Variants in TENM3 observed in about 807,000 individuals in gnomAD.
TENM3 encodes the protein teneurin-3.
Under a neutral mutation model 255.1 loss-of-function variants are expected in TENM3, and 63 were observed. The observed-to-expected ratio is 0.25, with a 90% CI of 0.20 to 0.30. The LOEUF (loss-of-function observed/expected upper bound fraction) is 0.30. Ranked by LOEUF, TENM3 falls within the 10% of genes least tolerant of loss-of-function variation. TENM3 has a pLI of 1.00. For missense variants in TENM3, 2,929 were observed against 3,461.1 expected, an observed-to-expected ratio of 0.85 and a Z score of 3.86; for synonymous variants, 1,306 against 1,322.3, an observed-to-expected ratio of 0.99 and a Z score of 0.27.
chr4:181,470,102 C>T, the TENM3 span, among the ~76,000 whole-genome samples: 1 of 42,108 alleles, frequency 2.4e-5, no homozygotes, highest in Admixed American at 2.5e-4. Context: ...TGAAATATAG[C>T]TTCTGTAAAA....
At chr4:181,785,448 A>G in the TENM3 span, among the ~76,000 whole-genome samples, 76 of 152,250 alleles carry the variant, frequency 5.0e-4, 2 homozygotes, top group Middle Eastern at 3.4e-3. Context: ...GCCAACTGTG[A>G]CATCCCTAAA....
the TENM3 span, among the ~76,000 whole-genome samples, chr4:181,885,795 A>G: frequency 6.6e-6 from 1 of 152,258 alleles, no homozygotes; most frequent in Non-Finnish European, 1.5e-5. Context: ...AGGTATACCT[A>G]TATCTCATAA....
intron 3 of TENM3, among the ~76,000 whole-genome samples, chr4:182,364,206 T>G (rs1766237793): frequency 6.6e-6 from 1 of 152,038 alleles, no homozygotes; most frequent in African/African-American, 2.4e-5. Context: ...CAAATGAACT[T>G]AAGAATAAAT....
chr4:181,926,867 A>G, the TENM3 span, among the ~76,000 whole-genome samples: 2 of 151,768 alleles, frequency 1.3e-5, no homozygotes, highest in African/African-American at 2.4e-5. Context: ...GAAGGCAAGC[A>G]GAAGCAGGGT....
chr4:182,612,665 T>C (rs1749125634), intron 4 of TENM3, among the ~76,000 whole-genome samples: 1 of 152,160 alleles, frequency 6.6e-6, no homozygotes, highest in Non-Finnish European at 1.5e-5. Flanking sequence ...AGACCTGGCT[T>C]TGCCTGCTCC....
intron 3 of TENM3, among the ~76,000 whole-genome samples, chr4:182,406,267 T>A (rs1321763493): frequency 6.6e-6 from 1 of 151,776 alleles, no homozygotes; most frequent in Non-Finnish European, 1.5e-5. Context: ...ATTGCGCCAC[T>A]GCACTCCAGC....
intron 3 of TENM3, among the ~76,000 whole-genome samples, chr4:182,387,927 G>T (rs1264897682): frequency 3.0e-5 from 3 of 100,496 alleles, no homozygotes; most frequent in Non-Finnish European, 6.2e-5. Flanking sequence ...TTTCTAAGGG[G>T]TGATAATTGC....
At chr4:182,777,509 T>TTGTGTGTGTGTGTGTGTG (rs1172500944) in intron 24 of TENM3, among the ~76,000 whole-genome samples, 3 of 120,112 alleles carry the variant, frequency 2.5e-5, no homozygotes, top group African/African-American at 9.5e-5. Context: ...CATAATGTGT[T>TTGTGTGTGTGTGTGTGTG]TATGTGTGTG....
chr4:182,620,949 G>A (rs1007843452), intron 4 of TENM3, among the ~76,000 whole-genome samples: 2 of 152,144 alleles, frequency 1.3e-5, no homozygotes, highest in Admixed American at 6.5e-5. Context: ...GGAGGCCAAG[G>A]CGGGTGGATC....
chr4:182,004,644 C>T, the TENM3 span, among the ~76,000 whole-genome samples: 6 of 152,274 alleles, frequency 3.9e-5, no homozygotes, highest in Non-Finnish European at 8.8e-5. Flanking sequence ...CTTGAGGAAT[C>T]GCCATACTGC....
intron 3 of TENM3, among the ~76,000 whole-genome samples, chr4:182,493,252 A>G (rs923020331): frequency 2.6e-5 from 4 of 152,172 alleles, no homozygotes; most frequent in Admixed American, 1.3e-4. Context: ...TATATGTAGC[A>G]TGGGCTTCTT....
chr4:182,149,472 C>G (rs1209626045), intron 1 of TENM3, among the ~76,000 whole-genome samples: 3 of 151,926 alleles, frequency 2.0e-5, no homozygotes, highest in Non-Finnish European at 2.9e-5. Flanking sequence ...CCATGTCTTT[C>G]TATTTTAAAT....
At position 182,799,272 on chromosome 4, in the gene TENM3, G is replaced by C. The variant is rs181601833; in HGVS notation, c.7345-324G>C. 6.6e-6 allele frequency among the ~76,000 whole-genome samples: 1 copy of C among 152,370 alleles called. No homozygotes were observed. The highest frequency in any genetic ancestry group is 1.9e-4 in the East Asian group (1 of 5,184). On this transcript the variant is annotated intron_variant, in intron 27 of 27. Coordinates refer to ENST00000511685, the MANE Select transcript of TENM3 (RefSeq NM_001080477.4). This position sits in a 1 kb window ranked among gnomAD's most constrained non-coding sequence, Gnocchi z 4.2. ...GATCCGGATGAGCTGGGTTCCCCAC[G>C]TGGGGTGGGAGTGGGAAAAGAGCAT...
chr4:182,400,826 C>A (rs1363403042), intron 3 of TENM3, among the ~76,000 whole-genome samples: 1 of 152,082 alleles, frequency 6.6e-6, no homozygotes, highest in Non-Finnish European at 1.5e-5. Context: ...CTGAGAGATG[C>A]TTACTTAGAA....
In TENM3 at chr4:182,680,311, A is replaced by G. The variant is rs1756049164; in HGVS notation, c.1601A>G (p.His534Arg). 2 of 1,613,362 alleles carry G rather than the reference A, an allele frequency of 1.2e-6. No individual in the cohort carries two copies. The highest frequency in any genetic ancestry group is 1.3e-5 in the African/African-American group (1 of 74,978). ...GNGECVSGTCHCFPGFLGPDC... is the reference protein window; with the variant it reads ...GNGECVSGTCRCFPGFLGPDC... Reference sequence around the variant, plus strand: ...GGAGAATGCGTTTCTGGAACTTGCCATTGTTTTCCAGGATTTCTGGGTCCG... The same window carrying G: ...GGAGAATGCGTTTCTGGAACTTGCCGTTGTTTTCCAGGATTTCTGGGTCCG... Residue 534 changes from histidine (H) to arginine (R), a missense_variant, in exon 9 of 28, where the codon CAT becomes CGT. Physicochemically the swap from His to Arg is conservative, Grantham distance 29 (BLOSUM62 0). Transcript: ENST00000511685.
intron 1 of TENM3, among the ~76,000 whole-genome samples, chr4:182,237,813 G>A (rs1579842563): frequency 6.6e-6 from 1 of 152,144 alleles, no homozygotes; most frequent in Non-Finnish European, 1.5e-5. Context: ...GTTAAGTTTT[G>A]TCACCAAATA....
chr4:182,433,567 A>C (rs1771821022), intron 3 of TENM3, among the ~76,000 whole-genome samples: 1 of 152,238 alleles, frequency 6.6e-6, no homozygotes, highest in Non-Finnish European at 1.5e-5. Flanking sequence ...GAAAAAGGGT[A>C]GGGGCATGAC....
Position 182,673,223 on chromosome 4 carries a change from A to C in TENM3, c.1326+4A>C, listed in dbSNP as rs745896405. ...CTTACCGCCTTCCCATACTCAGGTA[A>C]GACTAGGCTTTCTTATCAATAAAAT... On this transcript the variant is annotated splice_donor_region_variant and intron_variant, in intron 7 of 27. Transcript: ENST00000511685. The C allele has an allele frequency of 1.1e-5, 18 of 1,571,484 alleles. No individual in the cohort carries two copies. In the Admixed American group the frequency reaches 3.2e-4, roughly 28 times the overall value.
chr4:181,518,228 A>G, the TENM3 span, among the ~76,000 whole-genome samples: 21,663 of 152,052 alleles, frequency 0.14, 1,811 homozygotes, highest in South Asian at 0.28. Flanking sequence ...TAATAGGGTC[A>G]TTAGCTTTTG....
Sources: gnomAD v4.1 joint callset for allele counts (sites outside exome capture counted in the v4.1 genomes callset) on GRCh38, gnomAD v4.1.1 for gene constraint, Gnocchi (gnomAD v3.1) non-coding constraint, MANE v1.5 for transcripts, NCBI Gene and HGNC (gene_info 2026-07-23, HGNC 2026-07-21) for gene names.